RMP64: variants seen among roughly 807,000 people sequenced by gnomAD.
The protein encoded by RMP64 is ribonuclease MRP subunit p64.
the RMP64 span, chr3:113,011,450 A>G: frequency 6.7e-7 from 1 of 1,499,690 alleles, no homozygotes; most frequent in Non-Finnish European, 8.9e-7. Context: ...AGTAATTACA[A>G]TTTGCAGATT....
the RMP64 span, among the ~76,000 whole-genome samples, chr3:113,006,390 C>T: frequency 1.3e-5 from 2 of 152,210 alleles, no homozygotes; most frequent in East Asian, 1.9e-4. Flanking sequence ...CGTATTAATC[C>T]GAATCTGGAT....
the RMP64 span, among the ~76,000 whole-genome samples, chr3:113,012,270 A>C: frequency 6.2e-4 from 94 of 152,296 alleles, 1 homozygote; most frequent in African/African-American, 2.2e-3. Flanking sequence ...CATTGCCATT[A>C]AAAATTAGAA....
At chr3:113,019,277 C>T in the RMP64 span, 3 of 501,396 alleles carry the variant, frequency 6.0e-6, no homozygotes, top group East Asian at 1.1e-4. Context: ...TCCGCCCCCT[C>T]AGCGCACGGC....
At chr3:113,010,782 G>A in the RMP64 span, 2 of 1,207,682 alleles carry the variant, frequency 1.7e-6, no homozygotes, top group African/African-American at 1.5e-5. Context: ...TTAAGTGCAT[G>A]ACATTTCTTG....
At chr3:113,005,925 G>A in the RMP64 span, 7 of 1,613,854 alleles carry the variant, frequency 4.3e-6, no homozygotes, top group Admixed American at 3.3e-5. Flanking sequence ...CTCAGATGAT[G>A]CTTTGAAGTT....
the RMP64 span, chr3:113,008,107 G>T: frequency 6.8e-7 from 1 of 1,467,732 alleles, no homozygotes; most frequent in Non-Finnish European, 9.4e-7. Flanking sequence ...AAAGTGACCT[G>T]AATACTTTTA....
the RMP64 span, chr3:113,019,493 C>A: frequency 4.8e-6 from 7 of 1,469,090 alleles, no homozygotes; most frequent in Non-Finnish European, 6.6e-6. Flanking sequence ...CTGGGCCTGG[C>A]GGCCTCCCCC....
the RMP64 span, chr3:113,010,540 G>A: frequency 1.1e-6 from 1 of 940,240 alleles, no homozygotes; most frequent in Non-Finnish European, 1.7e-6. Flanking sequence ...ACTAAGCTTA[G>A]AGCTGGGGAT....
the RMP64 span, chr3:113,003,560 T>C: frequency 6.6e-6 from 1 of 152,152 alleles, no homozygotes; most frequent in African/African-American, 2.4e-5. Flanking sequence ...TTTGCCATTT[T>C]CCCAGAATAG....
chr3:113,003,899 A>G, the RMP64 span: 2 of 152,232 alleles, frequency 1.3e-5, no homozygotes, highest in African/African-American at 4.8e-5. Flanking sequence ...TAAATGAAGT[A>G]TTAAAAGAGG....
At chr3:113,002,887 C>T in the RMP64 span, 1 of 152,618 alleles carries the variant, frequency 6.6e-6, no homozygotes, top group South Asian at 2.1e-4. Flanking sequence ...GTGAGAAGCC[C>T]AGGGGCAGGA....
At chr3:113,017,636 T>C in the RMP64 span, 1 of 1,577,438 alleles carries the variant, frequency 6.3e-7, no homozygotes, top group Non-Finnish European at 8.7e-7. Flanking sequence ...ATTTAGTATG[T>C]ATTTCTACAG....
chr3:113,011,106 C>G, the RMP64 span: 20 of 1,612,534 alleles, frequency 1.2e-5, no homozygotes, highest in Non-Finnish European at 1.7e-5. Flanking sequence ...GTACATTGAT[C>G]TTCATTTGTT....
At chr3:113,012,872 A>G in the RMP64 span, 2 of 965,422 alleles carry the variant, frequency 2.1e-6, no homozygotes, top group East Asian at 4.8e-5. Context: ...GTAAGTTACA[A>G]TCATGAATGA....
the RMP64 span, chr3:113,006,091 A>G: frequency 1.0e-5 from 9 of 884,726 alleles, no homozygotes; most frequent in East Asian, 5.2e-5. Context: ...GAAAAGAAAA[A>G]TACACAACTT....
the RMP64 span, chr3:113,010,590 T>C: frequency 1.4e-6 from 2 of 1,397,744 alleles, no homozygotes; most frequent in Non-Finnish European, 2.0e-6. Context: ...GTAAGAAGCA[T>C]CCTCTACAAA....
At chr3:113,011,625 C>T in the RMP64 span, 1 of 383,738 alleles carries the variant, frequency 2.6e-6, no homozygotes, top group East Asian at 3.8e-5. Context: ...GACAGTCTAC[C>T]AGGAAAGATA....
chr3:113,007,668 A>T, the RMP64 span, among the ~76,000 whole-genome samples: 1 of 146,392 alleles, frequency 6.8e-6, no homozygotes, highest in Non-Finnish European at 1.5e-5. Context: ...GAAAAGAAAT[A>T]TAGATAGAGT....
chr3:113,015,364 T>C, the RMP64 span, among the ~76,000 whole-genome samples: 4 of 152,188 alleles, frequency 2.6e-5, no homozygotes, highest in African/African-American at 9.7e-5. Context: ...AGTCAATCAA[T>C]GGCAGGTGGT....
Sources: allele counts gnomAD v4.1 joint callset (sites outside exome capture counted in the v4.1 genomes callset), GRCh38; gene constraint gnomAD v4.1.1; transcripts MANE v1.5; gene names NCBI Gene and HGNC (gene_info 2026-07-23, HGNC 2026-07-21).